The following HTR2C variants were observed in gnomAD, a reference collection of about 807,000 sequenced individuals.
The protein encoded by HTR2C is 5-hydroxytryptamine receptor 2C.
Under a neutral mutation model 21.0 loss-of-function variants are expected in HTR2C, and 5 were observed. That is an observed-to-expected ratio of 0.24 (90% CI 0.12 to 0.50). The LOEUF (loss-of-function observed/expected upper bound fraction) is 0.50, where lower values mean the gene tolerates loss of function less well. HTR2C is among the 20% of genes least tolerant of loss of function. HTR2C has a pLI of 0.98. For synonymous variants in HTR2C, 150 were observed against 145.3 expected, an observed-to-expected ratio of 1.03 and a Z score of -0.23; for missense variants, 271 against 371.2, an observed-to-expected ratio of 0.73 and a Z score of 2.22.
At chrX:114,733,955 T>C (rs1294454168) in intron 4 of HTR2C, among the ~76,000 whole-genome samples, 4 of 110,240 alleles carry the variant, frequency 3.6e-5, no homozygotes, top group African/African-American at 1.3e-4. Flanking sequence ...CCGAAGAATA[T>C]GCTAGCAAAA....
At chrX:114,695,735 A>G (rs1178760534) in intron 2 of HTR2C, among the ~76,000 whole-genome samples, 1 of 111,867 alleles carries the variant, frequency 8.9e-6, no homozygotes, top group Non-Finnish European at 1.9e-5. Context: ...TACAGTGAGC[A>G]AATAATTCCT....
chrX:114,882,641 G>A (rs916692462), intron 5 of HTR2C, among the ~76,000 whole-genome samples: 1 of 110,596 alleles, frequency 9.0e-6, no homozygotes, highest in Non-Finnish European at 1.9e-5. Context: ...TACTTTAATT[G>A]GCTTTCAGAT....
intron 4 of HTR2C, among the ~76,000 whole-genome samples, chrX:114,744,491 C>A (rs1252792569): frequency 5.8e-5 from 6 of 103,869 alleles, no homozygotes; most frequent in East Asian, 3.0e-4. Flanking sequence ...CACGCTTTGT[C>A]GCCCAGGCTG....
chrX:114,887,314 T>C (rs1038634157), intron 5 of HTR2C, among the ~76,000 whole-genome samples: 6 of 111,492 alleles, frequency 5.4e-5, no homozygotes, highest in African/African-American at 2.0e-4. Flanking sequence ...TCACGGCCTT[T>C]CCTGGCTCTA....
In HTR2C at chrX:114,726,196, G is replaced by A. The variant is rs5988116; in HGVS notation, c.-79-662G>A. On this transcript the variant is annotated intron_variant, in intron 2 of 5. Transcript: ENST00000276198. ...CGTGGGCATAGGACCCTCGGAACCA[G>A]GTGCAGGATATAATCTCCTGGTGCG... is the stretch of plus-strand genomic sequence containing the variant. Among the ~76,000 whole-genome samples the A allele has an allele frequency of 9.7e-3, 1,093 of 112,610 alleles. 11 individuals are homozygous for A. The highest frequency in any genetic ancestry group is 0.033 in the African/African-American group (1,027 of 31,078).
intron 5 of HTR2C, among the ~76,000 whole-genome samples, chrX:114,889,549 C>A (rs1556482396): frequency 8.9e-6 from 1 of 112,164 alleles, no homozygotes; most frequent in Non-Finnish European, 1.9e-5. Flanking sequence ...TTTTATTTCT[C>A]ACTTTTTCCT....
chrX:114,772,784 A>G (rs1216810154), intron 4 of HTR2C, among the ~76,000 whole-genome samples: 1 of 111,487 alleles, frequency 9.0e-6, no homozygotes, highest in Non-Finnish European at 1.9e-5. Flanking sequence ...TTATTAAGCA[A>G]ATCATCAATA....
At chrX:114,652,748 C>G in intron 2 of HTR2C, 1 of 365,686 alleles carries the variant, frequency 2.7e-6, no homozygotes, top group Non-Finnish European at 5.4e-6. Context: ...ACGACCCAGA[C>G]AGACCTTATG....
chrX:114,806,371 A>T (rs1225324655), intron 4 of HTR2C, among the ~76,000 whole-genome samples: 1 of 46,510 alleles, frequency 2.2e-5, no homozygotes, highest in Non-Finnish European at 3.9e-5. Context: ...TATACCGTAT[A>T]TATACACACC....
At chrX:114,728,979 A>T (rs1247290658) in intron 3 of HTR2C, among the ~76,000 whole-genome samples, 1 of 112,169 alleles carries the variant, frequency 8.9e-6, no homozygotes, top group Non-Finnish European at 1.9e-5. Context: ...ACAACTGAAG[A>T]CGCAGTTTAG....
At chrX:114,691,335 A>G (rs1454951644) in intron 2 of HTR2C, among the ~76,000 whole-genome samples, 3 of 111,423 alleles carry the variant, frequency 2.7e-5, no homozygotes, top group Non-Finnish European at 3.8e-5. Context: ...TTACAGAACA[A>G]TATTAGTGAT....
At chrX:114,801,475 GA>G (rs1314442440) in intron 4 of HTR2C, among the ~76,000 whole-genome samples, 30 of 111,024 alleles carry the variant, frequency 2.7e-4, no homozygotes, top group Admixed American at 1.8e-3. Flanking sequence ...ACTTTACATA[GA>G]TTTTTTTAAT....
At chrX:114,854,676 C>T (rs1174667064) in intron 5 of HTR2C, among the ~76,000 whole-genome samples, 4 of 111,252 alleles carry the variant, frequency 3.6e-5, no homozygotes, top group African/African-American at 1.3e-4. Flanking sequence ...GGCAAAAATT[C>T]GTGACTAAGA....
intron 5 of HTR2C, among the ~76,000 whole-genome samples, chrX:114,875,564 C>T (rs1414998469): frequency 6.3e-5 from 7 of 110,643 alleles, no homozygotes; most frequent in Non-Finnish European, 1.1e-4. Flanking sequence ...GTCTTTAATT[C>T]ATTTTGAGTT....
intron 5 of HTR2C, among the ~76,000 whole-genome samples, chrX:114,896,530 C>T (rs1374806391): frequency 1.8e-5 from 2 of 112,090 alleles, no homozygotes; most frequent in Non-Finnish European, 3.8e-5. Context: ...AGCTGTGTCA[C>T]TGGGGGAAAC....
intron 2 of HTR2C, among the ~76,000 whole-genome samples, chrX:114,682,778 CTA>C (rs781978691): frequency 5.8e-4 from 64 of 111,287 alleles, no homozygotes; most frequent in Non-Finnish European, 1.0e-3. Flanking sequence ...TTCTGAAACT[CTA>C]TAAAATACTG....
Position 114,848,710 on chromosome X carries a change from T to G in HTR2C, c.550+507T>G, listed in dbSNP as rs1011375245. 9.0e-5 allele frequency among the ~76,000 whole-genome samples: 10 copies of G among 111,147 alleles called. No homozygotes were observed. The Admixed American group carries it at 9.6e-4, about 11-fold the overall frequency. On this transcript the variant is annotated intron_variant, in intron 5 of 5. Coordinates refer to ENST00000276198, the MANE Select transcript of HTR2C (RefSeq NM_000868.4). Reference sequence around the variant, plus strand: ...TCTAAATTTTTGTTGCTATGACACCTAAAATGTACTATTTTCTCTCAGTTT... The same window carrying G: ...TCTAAATTTTTGTTGCTATGACACCGAAAATGTACTATTTTCTCTCAGTTT...
intron 1 of HTR2C, among the ~76,000 whole-genome samples, chrX:114,604,979 A>T (rs1239288822): frequency 2.7e-5 from 3 of 109,866 alleles, no homozygotes; most frequent in Admixed American, 9.6e-5. Context: ...AGTTTTATTT[A>T]ATGTCAGGAG....
intron 2 of HTR2C, among the ~76,000 whole-genome samples, chrX:114,621,646 G>A (rs1184353308): frequency 2.7e-5 from 3 of 111,268 alleles, no homozygotes; most frequent in Non-Finnish European, 5.6e-5. Flanking sequence ...AAGGATTACA[G>A]TTGAGCTAGG....
Sources: gnomAD v4.1 joint callset for allele counts (sites outside exome capture counted in the v4.1 genomes callset) on GRCh38, gnomAD v4.1.1 for gene constraint, MANE v1.5 for transcripts, NCBI Gene and HGNC (gene_info 2026-07-23, HGNC 2026-07-21) for gene names.